ST8SIA5: variants seen among roughly 807,000 people sequenced by gnomAD.
ST8SIA5 encodes the protein ST8 alpha-N-acetyl-neuraminide alpha-2,8-sialyltransferase 5, also known as alpha-2,8-sialyltransferase 8E.
ST8SIA5 carries 24 observed loss-of-function variants against 40.2 expected under a neutral mutation model. That is an observed-to-expected ratio of 0.60 (90% CI 0.43 to 0.84). The LOEUF is 0.84. Ranked by LOEUF, ST8SIA5 falls within the 40% of genes least tolerant of loss-of-function variation. The pLI is 0.00. For synonymous variants in ST8SIA5, 198 were observed against 201.8 expected (o/e 0.98, Z 0.16); for missense variants, 465 against 498.5 (o/e 0.93, Z 0.64).
In ST8SIA5 at chr18:46,679,505, C is replaced by T. The variant is rs2039364879; in HGVS notation, c.*537G>A. ...CTTTCTTCACTGGAAGGTCTAGTCA[C>T]TGGGTTGGCTTCTAAGCTCTGAGAT... On this transcript the variant is annotated 3_prime_UTR_variant, in exon 7 of 7. Coordinates refer to ENST00000315087, the MANE Select transcript of ST8SIA5 (RefSeq NM_013305.6). 6.3e-6 allele frequency: 1 copy of T among 159,214 alleles called. No homozygotes were observed. Among genetic ancestry groups the T allele is most frequent in the African/African-American group, 2.4e-5 (1 of 41,492 alleles). The allele number at this position is 159,214 out of a possible 1,614,324, so 9.9% of individuals were successfully genotyped here.
chr18:46,682,087 C>T, intron 5 of ST8SIA5, 23 bp from the exon 6 acceptor site: 10 of 1,580,378 alleles, frequency 6.3e-6, no homozygotes, highest in Non-Finnish European at 8.6e-6. Flanking sequence ...AAAGGCAGCC[C>T]AAGGTGGTTG....
intron 1 of ST8SIA5, chr18:46,721,485 GGC>G: frequency 1.3e-6 from 2 of 1,533,818 alleles, no homozygotes; most frequent in Non-Finnish European, 8.7e-7. Context: ...AAGAAAACGA[GGC>G]AGTCGGTACT....
chr18:46,704,497 C>T, intron 2 of ST8SIA5, 75 bp downstream of exon 2: 6 of 1,309,408 alleles, frequency 4.6e-6, no homozygotes, highest in Non-Finnish European at 4.4e-6. Context: ...TCCACCCTTG[C>T]CCCCACGCAC....
At chr18:46,751,773 A>G (rs540917800) in intron 1 of ST8SIA5, among the ~76,000 whole-genome samples, 1 of 152,308 alleles carries the variant, frequency 6.6e-6, no homozygotes, top group Non-Finnish European at 1.5e-5. Flanking sequence ...GCTTCACAAA[A>G]TGTTTCAGTT....
chr18:46,741,750 G>A (rs536134716), intron 1 of ST8SIA5, among the ~76,000 whole-genome samples: 8 of 152,100 alleles, frequency 5.3e-5, no homozygotes, highest in African/African-American at 1.9e-4. Flanking sequence ...AGGTTAAAGG[G>A]GAAAAACTAC....
chr18:46,733,340 G>T (rs2040002767), intron 1 of ST8SIA5, among the ~76,000 whole-genome samples: 1 of 152,164 alleles, frequency 6.6e-6, no homozygotes, highest in Admixed American at 6.5e-5. Context: ...ACCTCACAGT[G>T]TATCGAGGGT....
chr18:46,710,369 TTCTTTCTTTCTTTCTTTCTTTCTTTC>T (rs2039712911), intron 1 of ST8SIA5, among the ~76,000 whole-genome samples: 1 of 36,750 alleles, frequency 2.7e-5, no homozygotes, highest in East Asian at 5.3e-4. Flanking sequence ...TTTCTTTTCT[TTCTTTCTTTCTTTCTTTCTTTCTTTC>T]TTTCTTTCTT....
At chr18:46,695,331 T>A (rs2039547990) in intron 2 of ST8SIA5, among the ~76,000 whole-genome samples, 1 of 152,100 alleles carries the variant, frequency 6.6e-6, no homozygotes. Context: ...TGGAAGATAG[T>A]AACTAAATAC....
chr18:46,704,787 C>A, intron 1 of ST8SIA5, 123 bp from the exon 2 acceptor site: 1 of 791,944 alleles, frequency 1.3e-6, no homozygotes, highest in East Asian at 2.6e-5. Context: ...CCAGCCCCAT[C>A]CCAGCAGATG....
chr18:46,682,409 A>G (rs2039406491), intron 5 of ST8SIA5, among the ~76,000 whole-genome samples: 1 of 152,228 alleles, frequency 6.6e-6, no homozygotes, highest in Non-Finnish European at 1.5e-5. Flanking sequence ...TAGGGAGCCA[A>G]GACTTCCCTG....
At chr18:46,728,142 C>G (rs1323558473) in intron 1 of ST8SIA5, among the ~76,000 whole-genome samples, 1 of 150,664 alleles carries the variant, frequency 6.6e-6, no homozygotes, top group Admixed American at 6.6e-5. Context: ...TTGCAGTGAG[C>G]TGAGATCACA....
intron 4 of ST8SIA5, among the ~76,000 whole-genome samples, chr18:46,688,537 T>C (rs1352294013): frequency 6.6e-6 from 1 of 152,230 alleles, no homozygotes; most frequent in Non-Finnish European, 1.5e-5. Flanking sequence ...CTAGTCACTT[T>C]CTCGCCAAAA....
intron 1 of ST8SIA5, among the ~76,000 whole-genome samples, chr18:46,721,780 G>A (rs769960772): frequency 2.8e-4 from 43 of 152,244 alleles, no homozygotes; most frequent in Non-Finnish European, 5.9e-4. Context: ...CTCCTATACC[G>A]TGCCATCCCT....
intron 1 of ST8SIA5, among the ~76,000 whole-genome samples, chr18:46,716,121 T>C (rs2039788273): frequency 6.6e-6 from 1 of 151,652 alleles, no homozygotes; most frequent in Middle Eastern, 3.2e-3. Flanking sequence ...GATAGATAGA[T>C]AGATAGATAG....
intron 2 of ST8SIA5, among the ~76,000 whole-genome samples, chr18:46,694,930 G>A (rs2039542380): frequency 6.6e-6 from 1 of 151,946 alleles, no homozygotes; most frequent in Admixed American, 6.6e-5. Flanking sequence ...AGGCCGAGGC[G>A]GGCGGATCAT....
intron 2 of ST8SIA5, 95 bp downstream of exon 2, chr18:46,704,477 C>T (rs1396489616): frequency 1.1e-5 from 12 of 1,107,556 alleles, no homozygotes; most frequent in Non-Finnish European, 1.5e-5. Flanking sequence ...CCATGTGTTT[C>T]CTGTTTCCTT....
Position 46,679,753 on chromosome 18 carries a change from G to C in ST8SIA5, c.*289C>G. On this transcript the variant is annotated 3_prime_UTR_variant, in exon 7 of 7. Transcript: ENST00000315087. ...GTGCTTTATTCACTTGCCGTCCCCA[G>C]GGCCCCTGATCTTGGGGTGTGGCCC... 1 of 456,690 alleles carries C rather than the reference G, an allele frequency of 2.2e-6. No individual in the cohort carries two copies. The highest frequency in any genetic ancestry group is 3.9e-6 in the Non-Finnish European group (1 of 253,430). The allele number at this position is 456,690 out of a possible 1,614,324, so 28.3% of individuals were successfully genotyped here.
chr18:46,698,269 C>A (rs1331235579), intron 2 of ST8SIA5, among the ~76,000 whole-genome samples: 1 of 151,966 alleles, frequency 6.6e-6, no homozygotes, highest in Non-Finnish European at 1.5e-5. Context: ...CAATCCACAA[C>A]ACCAATCAAA....
chr18:46,724,989 GAGGAAGGA>G (rs60444300), intron 1 of ST8SIA5, among the ~76,000 whole-genome samples: 6,641 of 99,634 alleles, frequency 0.067, 242 homozygotes, highest in South Asian at 0.12. Flanking sequence ...GAAAGAGAGA[GAGGAAGGA>G]AGGAAGGAAG....
Sources: allele counts gnomAD v4.1 joint callset (sites outside exome capture counted in the v4.1 genomes callset), GRCh38; gene constraint gnomAD v4.1.1; transcripts MANE v1.5; gene names NCBI Gene and HGNC (gene_info 2026-07-23, HGNC 2026-07-21).